NR3C2: variants seen among roughly 807,000 people sequenced by gnomAD.
NR3C2 encodes mineralocorticoid receptor.
Under a neutral mutation model 86.4 loss-of-function variants are expected in NR3C2, and 15 were observed. The ratio of observed to expected loss-of-function variants is 0.17; its 90% CI spans 0.12 to 0.27. The LOEUF (loss-of-function observed/expected upper bound fraction) is 0.27. NR3C2 is among the 10% of genes least tolerant of loss of function. The pLI is 1.00. For missense variants in NR3C2, 960 were observed against 1,195.6 expected (o/e 0.80, Z 2.91); for synonymous variants, 458 against 450.5 (o/e 1.02, Z -0.21).
chr4:148,212,389 G>C (rs1737326947), intron 3 of NR3C2, among the ~76,000 whole-genome samples: 1 of 152,224 alleles, frequency 6.6e-6, no homozygotes, highest in African/African-American at 2.4e-5. Context: ...CACCCTTAGT[G>C]TCTGAAGTTA....
chr4:148,083,945 G>C (rs1206317661), intron 8 of NR3C2, among the ~76,000 whole-genome samples: 1 of 151,836 alleles, frequency 6.6e-6, no homozygotes, highest in Non-Finnish European at 1.5e-5. Context: ...CAACTCAAAG[G>C]AATAAAGCAA....
At chr4:148,370,614 G>T (rs1045518541) in intron 2 of NR3C2, among the ~76,000 whole-genome samples, 2 of 152,054 alleles carry the variant, frequency 1.3e-5, no homozygotes, top group Non-Finnish European at 2.9e-5. Flanking sequence ...GTTTTGGTTG[G>T]AGTTTCTCCA....
chr4:148,412,736 TA>T (rs1748767733), intron 2 of NR3C2, among the ~76,000 whole-genome samples: 2 of 152,198 alleles, frequency 1.3e-5, no homozygotes, highest in African/African-American at 4.8e-5. Context: ...TTTTATCTTT[TA>T]ATCTGTGACT....
At chr4:148,444,872 C>A, upstream of NR3C2, 2 of 984,960 alleles carry the variant, frequency 2.0e-6, no homozygotes, top group Non-Finnish European at 2.4e-6. Flanking sequence ...GGAAGTCCGG[C>A]AGGAGGATCC....
At chr4:148,174,855 T>C (rs1174461378) in intron 4 of NR3C2, among the ~76,000 whole-genome samples, 3 of 152,202 alleles carry the variant, frequency 2.0e-5, no homozygotes, top group Admixed American at 6.5e-5. Flanking sequence ...GCTTGTCCTC[T>C]CCAACGATAT....
intron 4 of NR3C2, among the ~76,000 whole-genome samples, chr4:148,177,321 CAT>C (rs1560961468): frequency 6.6e-6 from 1 of 152,180 alleles, no homozygotes; most frequent in Non-Finnish European, 1.5e-5. Flanking sequence ...GAAAAATCAT[CAT>C]CTGAAAAGAT....
chr4:148,199,808 T>TATATATA (rs1736626757), intron 3 of NR3C2, among the ~76,000 whole-genome samples: 1 of 152,080 alleles, frequency 6.6e-6, no homozygotes, highest in African/African-American at 2.4e-5. Context: ...GGGTTAGGAG[T>TATATATA]AGGTTGGGGA....
chr4:148,141,094 G>A (rs1231858305), intron 6 of NR3C2, among the ~76,000 whole-genome samples: 2 of 152,182 alleles, frequency 1.3e-5, no homozygotes, highest in Non-Finnish European at 2.9e-5. Context: ...GTGCCAGAAA[G>A]AGCACATATT....
upstream of NR3C2, chr4:148,444,900 A>C (rs1444781734): frequency 1.0e-6 from 1 of 984,624 alleles, no homozygotes; most frequent in Non-Finnish European, 1.2e-6. Context: ...GCCGCTCCGC[A>C]GCGCCACTCT....
At chr4:148,085,774 C>G (rs982845275) in intron 8 of NR3C2, among the ~76,000 whole-genome samples, 5 of 151,946 alleles carry the variant, frequency 3.3e-5, no homozygotes, top group African/African-American at 1.2e-4. Context: ...AAGAATCAAA[C>G]ACAATAAAAA....
intron 2 of NR3C2, among the ~76,000 whole-genome samples, chr4:148,413,286 G>A (rs1748802745): frequency 6.6e-6 from 1 of 152,076 alleles, no homozygotes; most frequent in African/African-American, 2.4e-5. Context: ...TGGTAGAAAT[G>A]CATCATTTCC....
At chr4:148,297,644 TTTC>T (rs1361725084) in intron 2 of NR3C2, among the ~76,000 whole-genome samples, 1 of 152,120 alleles carries the variant, frequency 6.6e-6, no homozygotes, top group Non-Finnish European at 1.5e-5. Flanking sequence ...TACATTATGT[TTTC>T]TTCATTTTTC....
chr4:148,175,661 T>C (rs1349704906), intron 4 of NR3C2, among the ~76,000 whole-genome samples: 1 of 152,242 alleles, frequency 6.6e-6, no homozygotes, highest in African/African-American at 2.4e-5. Context: ...GTTTCCAACA[T>C]GTCTTTCATT....
At position 148,079,948 on chromosome 4, in the gene NR3C2, C is replaced by G. The variant is rs1730465798; in HGVS notation, c.*1396G>C. On this transcript the variant is annotated 3_prime_UTR_variant, in exon 9 of 9. Transcript: ENST00000358102. ...TCAGAAGGGAATAGCTGATCTTTAACAGAGAGAGAGTGCATGGAATTTTTT... is the reference window on the plus strand; with the variant it reads ...TCAGAAGGGAATAGCTGATCTTTAAGAGAGAGAGAGTGCATGGAATTTTTT... The G allele has an allele frequency of 6.6e-6, 1 of 152,120 alleles. No individual in the cohort carries two copies. The highest frequency in any genetic ancestry group is 1.5e-5 in the Non-Finnish European group (1 of 68,026). The allele number at this position is 152,120 out of a possible 1,614,324, so 9.4% of individuals were successfully genotyped here.
At chr4:148,125,899 G>C (rs1282781995) in intron 6 of NR3C2, among the ~76,000 whole-genome samples, 1 of 152,220 alleles carries the variant, frequency 6.6e-6, no homozygotes, top group Non-Finnish European at 1.5e-5. Context: ...AGATTATCAA[G>C]TGGCCACAAA....
chr4:148,112,421 G>A (rs1453685425), intron 8 of NR3C2, among the ~76,000 whole-genome samples: 4 of 152,160 alleles, frequency 2.6e-5, no homozygotes, highest in East Asian at 1.9e-4. Context: ...ATTAACAGAC[G>A]AAAGTAAATC....
At chr4:148,230,016 G>A (rs1738378880) in intron 3 of NR3C2, among the ~76,000 whole-genome samples, 1 of 152,046 alleles carries the variant, frequency 6.6e-6, no homozygotes, top group Admixed American at 6.5e-5. Flanking sequence ...GAGGTCAAAG[G>A]TTTCCTGAGA....
intron 3 of NR3C2, among the ~76,000 whole-genome samples, chr4:148,253,949 C>T (rs1263635947): frequency 1.3e-5 from 2 of 152,112 alleles, no homozygotes; most frequent in Non-Finnish European, 2.9e-5. Context: ...GCCCTCAGAG[C>T]TGCCCCTGCT....
At chr4:148,261,092 A>G (rs1740074174) in intron 2 of NR3C2, among the ~76,000 whole-genome samples, 1 of 152,244 alleles carries the variant, frequency 6.6e-6, no homozygotes, top group Non-Finnish European at 1.5e-5. Context: ...CTCTGCCCTC[A>G]AAGTTGGTGG....
Sources: gnomAD v4.1 joint callset for allele counts (sites outside exome capture counted in the v4.1 genomes callset) on GRCh38, gnomAD v4.1.1 for gene constraint, MANE v1.5 for transcripts, NCBI Gene and HGNC (gene_info 2026-07-23, HGNC 2026-07-21) for gene names.